Variants in LRRC4C observed in about 807,000 individuals in gnomAD.
The protein encoded by LRRC4C is leucine rich repeat containing 4C.
In LRRC4C, 5 loss-of-function variants were observed where a neutral mutation model predicts 33.6. The observed-to-expected ratio is 0.15, with a 90% CI of 0.08 to 0.31. LRRC4C has a LOEUF of 0.31. LRRC4C is among the 10% of genes least tolerant of loss of function. LRRC4C has a pLI of 1.00. For missense variants in LRRC4C, 560 were observed against 796.7 expected (o/e 0.70, Z 3.58); for synonymous variants, 329 against 302.0 (o/e 1.09, Z -0.93).
chr11:40,265,491 C>T (rs996540528), intron 4 of LRRC4C, among the ~76,000 whole-genome samples: 7 of 152,224 alleles, frequency 4.6e-5, no homozygotes, highest in Non-Finnish European at 1.0e-4. Flanking sequence ...ATCTCTTTTG[C>T]AACCCCAAAG....
chr11:40,688,702 TG>T (rs1040894654), intron 2 of LRRC4C, among the ~76,000 whole-genome samples: 3 of 151,992 alleles, frequency 2.0e-5, no homozygotes, highest in African/African-American at 7.2e-5. Flanking sequence ...TTACAAGAAA[TG>T]ACACGAAAGA....
intron 2 of LRRC4C, among the ~76,000 whole-genome samples, chr11:40,760,138 C>G (rs1949136192): frequency 6.6e-6 from 1 of 151,776 alleles, no homozygotes; most frequent in African/African-American, 2.4e-5. Flanking sequence ...CAATTTAGTT[C>G]ACTGCCTGTT....
intron 3 of LRRC4C, among the ~76,000 whole-genome samples, chr11:40,610,956 A>G (rs1320820097): frequency 6.6e-6 from 1 of 151,906 alleles, no homozygotes; most frequent in Non-Finnish European, 1.5e-5. Flanking sequence ...ACCCAGAGAT[A>G]TCTACAGATT....
chr11:40,392,983 T>A (rs1237679330), intron 3 of LRRC4C, among the ~76,000 whole-genome samples: 1 of 151,902 alleles, frequency 6.6e-6, no homozygotes, highest in Non-Finnish European at 1.5e-5. Flanking sequence ...GATAAGTGAC[T>A]CACGATAGCC....
At chr11:40,481,150 G>A (rs770253616) in intron 3 of LRRC4C, among the ~76,000 whole-genome samples, 1 of 151,742 alleles carries the variant, frequency 6.6e-6, no homozygotes, top group Non-Finnish European at 1.5e-5. Context: ...CTCAGTAAAT[G>A]TTAACTCGTA....
At chr11:41,429,535 T>C (rs1441560793) in intron 1 of LRRC4C, among the ~76,000 whole-genome samples, 3 of 152,014 alleles carry the variant, frequency 2.0e-5, no homozygotes, top group Admixed American at 1.3e-4. Flanking sequence ...ATTATCACAG[T>C]TTATAGGCAG....
Position 40,115,064 on chromosome 11 carries a change from G to A in LRRC4C, c.1229C>T (p.Thr410Met), listed in dbSNP as rs372777321. Reference protein sequence around the residue: ...KVRIAVLSDGTLNFTNVTVQD... With the variant: ...KVRIAVLSDGMLNFTNVTVQD... ...CACAGTTACATTTGTGAAATTTAAC[G>A]TACCATCACTGAGCACAGCTATCCG... Residue 410 changes from threonine to methionine, a missense_variant, in exon 7 of 7, where the codon ACG becomes ATG. Transcript: ENST00000528697. The surrounding 1 kb of genome is among the most constrained non-coding windows in gnomAD (Gnocchi z 6.7). 1.2e-5 allele frequency: 20 copies of A among 1,614,010 alleles called. No homozygotes were observed. The highest frequency in any genetic ancestry group is 1.7e-5 in the Admixed American group (1 of 60,006).
At position 40,129,614 on chromosome 11, in the gene LRRC4C, G is replaced by T. The variant is rs368495149; in HGVS notation, c.-43+11187C>A. ...GATTAGCTTTCAGGTCACTGCATTG[G>T]ATCAGAACACTTTATAACAGAGAAG... On this transcript the variant is annotated intron_variant, in intron 6 of 6. Transcript: ENST00000528697. Among the ~76,000 whole-genome samples the T allele has an allele frequency of 4.9e-4, 75 of 152,266 alleles. 2 individuals carry two copies. In the South Asian group the frequency reaches 0.015, roughly 31 times the overall value.
chr11:41,143,018 G>A (rs780704428), intron 1 of LRRC4C, among the ~76,000 whole-genome samples: 1 of 152,076 alleles, frequency 6.6e-6, no homozygotes, highest in Non-Finnish European at 1.5e-5. Flanking sequence ...GAAAATTCTA[G>A]ATTCAATCCT....
At chr11:40,330,655 G>T (rs1219612622) in intron 3 of LRRC4C, among the ~76,000 whole-genome samples, 1 of 152,068 alleles carries the variant, frequency 6.6e-6, no homozygotes, top group African/African-American at 2.4e-5. Context: ...AGAATGAGCT[G>T]AGCAAAGGGG....
intron 3 of LRRC4C, among the ~76,000 whole-genome samples, chr11:40,535,916 G>T (rs562256203): frequency 6.6e-6 from 1 of 152,240 alleles, no homozygotes; most frequent in East Asian, 1.9e-4. Flanking sequence ...GGCTTATTTT[G>T]CAGACGCTAT....
intron 3 of LRRC4C, among the ~76,000 whole-genome samples, chr11:40,540,866 G>T (rs1477042120): frequency 6.6e-6 from 1 of 152,118 alleles, no homozygotes; most frequent in Non-Finnish European, 1.5e-5. Context: ...GCCAGGAACT[G>T]CACTAGAAGC....
At chr11:40,218,692 A>ATCTATCTATCT (rs1864171604) in intron 5 of LRRC4C, among the ~76,000 whole-genome samples, 1 of 140,014 alleles carries the variant, frequency 7.1e-6, no homozygotes. Flanking sequence ...AATGATAAAG[A>ATCTATCTATCT]ATCTATCTAT....
At chr11:40,262,940 C>T (rs980665315) in intron 4 of LRRC4C, among the ~76,000 whole-genome samples, 8 of 151,546 alleles carry the variant, frequency 5.3e-5, no homozygotes, top group Admixed American at 6.6e-5. Flanking sequence ...TGTAACAAAC[C>T]TGCACATTCT....
intron 3 of LRRC4C, among the ~76,000 whole-genome samples, chr11:40,508,079 C>T (rs1955127801): frequency 6.6e-6 from 1 of 152,066 alleles, no homozygotes; most frequent in African/African-American, 2.4e-5. Flanking sequence ...TTATATCCCT[C>T]CAATAGCATA....
rs79916766 is a variant in LRRC4C, at chr11:40,628,480, A to AAAAACAAAACAAAAC, written c.-270+19647_-270+19661dup. ...GCGACAGAGCGAGACTCCATCTCAA[A>AAAAACAAAACAAAAC]AAAACAAAACAAAACAAAACAAAAC... On this transcript the variant is annotated intron_variant, in intron 3 of 6. Coordinates refer to ENST00000528697, the MANE Select transcript of LRRC4C (RefSeq NM_001258419.2). 1.2e-4 allele frequency among the ~76,000 whole-genome samples: 18 copies of AAAAACAAAACAAAAC among 150,940 alleles called. 1 individual carries two copies. Among genetic ancestry groups the AAAAACAAAACAAAAC allele is most frequent in the South Asian group, 8.4e-4 (4 of 4,766 alleles).
At chr11:40,307,321 G>A (rs1360832325) in intron 4 of LRRC4C, among the ~76,000 whole-genome samples, 3 of 152,114 alleles carry the variant, frequency 2.0e-5, no homozygotes, top group African/African-American at 7.2e-5. Context: ...ATGATTGGGA[G>A]AAATTTGCAT....
intron 3 of LRRC4C, among the ~76,000 whole-genome samples, chr11:40,367,407 G>T (rs1948257263): frequency 6.6e-6 from 1 of 152,042 alleles, no homozygotes; most frequent in Non-Finnish European, 1.5e-5. Flanking sequence ...CAAGAAAAAG[G>T]TCCCACCACT....
At chr11:40,657,743 A>T (rs1387010703) in intron 2 of LRRC4C, among the ~76,000 whole-genome samples, 1 of 152,152 alleles carries the variant, frequency 6.6e-6, no homozygotes, top group Admixed American at 6.5e-5. Flanking sequence ...TGCCCCGACC[A>T]CCTTGGGCAC....
Sources: gnomAD v4.1 joint callset for allele counts (sites outside exome capture counted in the v4.1 genomes callset) on GRCh38, gnomAD v4.1.1 for gene constraint, Gnocchi (gnomAD v3.1) non-coding constraint, MANE v1.5 for transcripts, NCBI Gene and HGNC (gene_info 2026-07-23, HGNC 2026-07-21) for gene names.